Variants in HEATR4 observed in about 807,000 individuals in gnomAD.
HEATR4 encodes HEAT repeat-containing protein 4.
A neutral mutation model predicts 108.8 loss-of-function variants in HEATR4; 95 were observed. The observed-to-expected ratio is 0.87, with a 90% CI of 0.74 to 1.04. The LOEUF (loss-of-function observed/expected upper bound fraction) is 1.04. Among genes scored for constraint, HEATR4 ranks in the 50% least tolerant of loss-of-function variants. HEATR4 has a pLI of 0.00. For synonymous variants in HEATR4, 443 were observed against 459.4 expected (o/e 0.96, Z 0.46); for missense variants, 1,152 against 1,253.8 (o/e 0.92, Z 1.23).
the HEATR4 span, chr14:73,619,521 G>A: frequency 6.2e-7 from 1 of 1,614,218 alleles, no homozygotes; most frequent in Non-Finnish European, 8.5e-7. Context: ...AGGCGCAGGT[G>A]CCCTTCTTGT....
intron 17 of HEATR4, chr14:73,491,719 C>T (rs760580699): frequency 3.9e-5 from 60 of 1,551,256 alleles, no homozygotes; most frequent in Non-Finnish European, 5.1e-5. Flanking sequence ...GGCGGCAGGA[C>T]CACACCTACT....
the HEATR4 span, among the ~76,000 whole-genome samples, chr14:73,590,708 C>T: frequency 2.0e-5 from 3 of 151,800 alleles, no homozygotes; most frequent in Admixed American, 6.6e-5. Context: ...CCGGGGCTTG[C>T]GGGCCGGCCG....
In HEATR4 at chr14:73,542,439, G is replaced by A. The variant is rs544107899; in HGVS notation, c.-151-12195C>T. 1.1e-3 allele frequency among the ~76,000 whole-genome samples: 96 copies of A among 88,708 alleles called. 2 individuals carry two copies. Among genetic ancestry groups the A allele is most frequent in the African/African-American group, 3.4e-3 (85 of 24,848 alleles). 58.2% of individuals were successfully genotyped at this position (88,708 alleles called of 152,430 possible). A position where few individuals can be genotyped will look rare whatever the true frequency, so the allele number is the denominator to read the frequency against. ...TTTTTTTTTAAGACGGAGTCTTGCC[G>A]TGTCAACGAGGCTGGAGTGCAGTGG... On this transcript the variant is annotated intron_variant, in intron 1 of 17. Coordinates refer to ENST00000553558, the MANE Select transcript of HEATR4 (RefSeq NM_001220484.1).
At chr14:73,480,334 G>C (rs375035650) in intron 17 of HEATR4, among the ~76,000 whole-genome samples, 1 of 152,050 alleles carries the variant, frequency 6.6e-6, no homozygotes, top group Non-Finnish European at 1.5e-5. Context: ...TCAGCTACTC[G>C]GGAGGCTGAG....
Position 73,522,796 on chromosome 14 carries a change from G to A in HEATR4, c.357C>T (p.Phe119=), listed in dbSNP as rs150475805. 1.1e-5 allele frequency: 17 copies of A among 1,614,108 alleles called. No homozygotes were observed. The African/African-American group carries it at 1.9e-4, about 18-fold the overall frequency. ...RKARPQKPVS[F]KFLGSSSPLT... ...AGGGACTTGAGGAACCCAGGAACTT[G>A]AAGCTAACAGGTTTCTGAGGCCGGG... The change falls in exon 3 of 18, where the codon TTC becomes TTT. Residue 119 remains phenylalanine (F), a synonymous_variant. Transcript: ENST00000553558.
In HEATR4 at chr14:73,501,815, G is replaced by A. The variant is rs192792266; in HGVS notation, c.2105+1080C>T. Among the ~76,000 whole-genome samples the A allele has an allele frequency of 2.3e-3, 342 of 151,284 alleles. 1 individual carries two copies. The highest frequency in any genetic ancestry group is 7.8e-3 in the African/African-American group (321 of 41,224). On this transcript the variant is annotated intron_variant, in intron 11 of 17. Transcript: ENST00000553558. ...GTCGCCCAGGCTGGAGTACAGTGGC[G>A]TGATCTCCGCTCACTGCAAGCTCCA...
chr14:73,610,383 C>T, the HEATR4 span, among the ~76,000 whole-genome samples: 5 of 151,828 alleles, frequency 3.3e-5, no homozygotes, highest in Non-Finnish European at 7.4e-5. Flanking sequence ...CACCACCTCC[C>T]GGGTTCAAGC....
intron 2 of HEATR4, among the ~76,000 whole-genome samples, chr14:73,524,304 A>ATAT (rs1315675578): frequency 7.5e-5 from 7 of 93,776 alleles, no homozygotes; most frequent in African/African-American, 1.6e-4. Flanking sequence ...AAAAAAAAAA[A>ATAT]AAAAAAATAT....
intron 1 of HEATR4, among the ~76,000 whole-genome samples, chr14:73,546,968 T>C (rs1446382225): frequency 1.0e-5 from 1 of 95,374 alleles, no homozygotes; most frequent in Non-Finnish European, 2.4e-5. Flanking sequence ...GTGCCTGTAA[T>C]CCCAGCTACT....
At chr14:73,513,728 CAA>C (rs747778891) in intron 6 of HEATR4, among the ~76,000 whole-genome samples, 4,808 of 45,542 alleles carry the variant, frequency 0.11, 29 homozygotes, top group Non-Finnish European at 0.15. Context: ...ACTACGTCTC[CAA>C]AAAAAAAAAA....
intron 17 of HEATR4, chr14:73,491,900 T>C: frequency 6.2e-7 from 1 of 1,612,238 alleles, no homozygotes; most frequent in Non-Finnish European, 8.5e-7. Flanking sequence ...GGCCGGCTGC[T>C]CCCTGCGTCT....
At chr14:73,570,929 A>T in the HEATR4 span, among the ~76,000 whole-genome samples, 1 of 148,114 alleles carries the variant, frequency 6.8e-6, no homozygotes, top group African/African-American at 2.5e-5. Context: ...AAATTCAGGT[A>T]GTTTCAATTT....
At chr14:73,603,743 T>G in the HEATR4 span, among the ~76,000 whole-genome samples, 6 of 147,976 alleles carry the variant, frequency 4.1e-5, no homozygotes, top group African/African-American at 1.5e-4. Context: ...TTTCTTTTCT[T>G]TTTTTTTTTT....
At chr14:73,591,770 T>G in the HEATR4 span, 2 of 500,418 alleles carry the variant, frequency 4.0e-6, no homozygotes, top group African/African-American at 4.0e-5. Context: ...GCCTGGCTAC[T>G]TTTGCCTCAG....
At chr14:73,493,774 G>A (rs1481002147) in intron 16 of HEATR4, among the ~76,000 whole-genome samples, 3 of 152,138 alleles carry the variant, frequency 2.0e-5, no homozygotes, top group Non-Finnish European at 4.4e-5. Flanking sequence ...GGAGGTGGAG[G>A]TTGCAGTGAG....
At chr14:73,503,759 A>G (rs574291478) in intron 10 of HEATR4, among the ~76,000 whole-genome samples, 1 of 152,326 alleles carries the variant, frequency 6.6e-6, no homozygotes, top group African/African-American at 2.4e-5. Flanking sequence ...ACATTTACTA[A>G]CGGAAGACTT....
At chr14:73,577,236 G>A in the HEATR4 span, among the ~76,000 whole-genome samples, 8,772 of 148,988 alleles carry the variant, frequency 0.059, 318 homozygotes, top group Middle Eastern at 0.096. Flanking sequence ...CCAGCTTCCG[G>A]CACCTTTTTT....
intron 17 of HEATR4, among the ~76,000 whole-genome samples, chr14:73,483,888 C>G (rs116760979): frequency 0.049 from 7,375 of 151,808 alleles, 617 homozygotes; most frequent in African/African-American, 0.17. Context: ...AGTCTCATCT[C>G]TGTCACCCAG....
At chr14:73,626,787 GC>G in the HEATR4 span, among the ~76,000 whole-genome samples, 36 of 115,778 alleles carry the variant, frequency 3.1e-4, no homozygotes, top group African/African-American at 1.3e-4. Context: ...CAGACAAACA[GC>G]CTTTTTTTTT....
Sources: gnomAD v4.1 joint callset for allele counts (sites outside exome capture counted in the v4.1 genomes callset) on GRCh38, gnomAD v4.1.1 for gene constraint, MANE v1.5 for transcripts, NCBI Gene and HGNC (gene_info 2026-07-23, HGNC 2026-07-21) for gene names.